Variants in SYT14 observed in about 807,000 individuals in gnomAD.
SYT14 encodes synaptotagmin 14, also known as synaptotagmin-14.
A neutral mutation model predicts 74.2 loss-of-function variants in SYT14; 32 were observed. The ratio of observed to expected loss-of-function variants is 0.43; its 90% CI spans 0.33 to 0.58. The LOEUF (loss-of-function observed/expected upper bound fraction) is 0.58. Among genes scored for constraint, SYT14 ranks in the 20% least tolerant of loss-of-function variants. SYT14 has a pLI of 0.05. For synonymous variants in SYT14, 298 were observed against 337.7 expected (o/e 0.88, Z 1.29); for missense variants, 791 against 981.8 (o/e 0.81, Z 2.60).
intron 5 of SYT14, among the ~76,000 whole-genome samples, chr1:210,078,200 C>T (rs1558173735): frequency 6.7e-6 from 1 of 149,110 alleles, no homozygotes. Flanking sequence ...GTCCCAGCTA[C>T]TCGGGAGGCT....
intron 7 of SYT14, among the ~76,000 whole-genome samples, chr1:210,153,660 A>G (rs1472366821): frequency 1.3e-5 from 2 of 152,188 alleles, no homozygotes; most frequent in Admixed American, 1.3e-4. Flanking sequence ...TCCTGTGTAC[A>G]TAATTATGTA....
At chr1:210,163,463 C>T (rs1253745244) in exon 10 of SYT14, 1 of 453,606 alleles carries the variant, frequency 2.2e-6, no homozygotes, top group Non-Finnish European at 4.4e-6. Flanking sequence ...TCTGTATACA[C>T]ACATGCACCA....
chr1:210,106,481 A>G (rs1449118093), intron 7 of SYT14, among the ~76,000 whole-genome samples: 1 of 152,198 alleles, frequency 6.6e-6, no homozygotes, highest in Non-Finnish European at 1.5e-5. Flanking sequence ...ATTGACTCAC[A>G]GTTCCACAGG....
chr1:210,000,613 C>CTTTTTTTTTTTTTTTTTT (rs71146203), intron 2 of SYT14, among the ~76,000 whole-genome samples: 13 of 105,424 alleles, frequency 1.2e-4, no homozygotes, highest in African/African-American at 4.5e-4. Flanking sequence ...TTTATGCCTT[C>CTTTTTTTTTTTTTTTTTT]TTTTTTTTTT....
chr1:209,946,423 G>C (rs1479892853), intron 1 of SYT14, among the ~76,000 whole-genome samples: 1 of 152,202 alleles, frequency 6.6e-6, no homozygotes, highest in Non-Finnish European at 1.5e-5. Flanking sequence ...TGACAGGAAG[G>C]CTTAACAGCC....
At chr1:210,043,016 T>C (rs1342954005) in intron 5 of SYT14, among the ~76,000 whole-genome samples, 3 of 152,214 alleles carry the variant, frequency 2.0e-5, no homozygotes, top group African/African-American at 7.2e-5. Context: ...GTTTGTGTCC[T>C]CTTTTATTTC....
chr1:210,125,259 C>T (rs1359651972), intron 7 of SYT14, among the ~76,000 whole-genome samples: 1 of 140,720 alleles, frequency 7.1e-6, no homozygotes, highest in African/African-American at 2.6e-5. Flanking sequence ...TTGTTTCCAT[C>T]TTTATGTGTA....
At chr1:210,023,889 A>G (rs890781377) in intron 5 of SYT14, among the ~76,000 whole-genome samples, 6 of 152,238 alleles carry the variant, frequency 3.9e-5, no homozygotes, top group African/African-American at 1.4e-4. Context: ...GTTTTTAAGC[A>G]GGAGAGTGTG....
chr1:210,017,100 G>A lies in SYT14; in HGVS notation c.1096+1G>A, dbSNP rs2080200646. On this transcript the variant is annotated splice_donor_variant, in intron 4 of 9. Transcript: ENST00000637265. LOFTEE classifies it high-confidence loss of function. Reference sequence around the variant, plus strand: ...TATTCTAAGATAATACCAGAAAAAGGTGAGGTCTCCTAATGTTGGTGTGAG... The same window carrying A: ...TATTCTAAGATAATACCAGAAAAAGATGAGGTCTCCTAATGTTGGTGTGAG... The A allele has an allele frequency of 1.6e-6, 2 of 1,231,060 alleles. No individual in the cohort carries two copies. The highest frequency in any genetic ancestry group is 1.6e-5 in the African/African-American group (1 of 64,392). 76.3% of individuals were successfully genotyped at this position (1,231,060 alleles called of 1,614,324 possible). A position where few individuals can be genotyped will look rare whatever the true frequency, so the allele number is the denominator to read the frequency against.
At chr1:209,972,004 C>T (rs2079264774) in intron 2 of SYT14, among the ~76,000 whole-genome samples, 2 of 152,064 alleles carry the variant, frequency 1.3e-5, no homozygotes, top group South Asian at 4.1e-4. Flanking sequence ...GGCTGTGAAT[C>T]CATCTGGTGC....
chr1:209,986,335 G>T (rs1323909161), intron 2 of SYT14, among the ~76,000 whole-genome samples: 2 of 152,158 alleles, frequency 1.3e-5, no homozygotes, highest in Non-Finnish European at 2.9e-5. Context: ...GCTGGGCGCG[G>T]TGGCTCATGC....
At chr1:209,977,274 G>A (rs1358339704) in intron 2 of SYT14, among the ~76,000 whole-genome samples, 3 of 152,132 alleles carry the variant, frequency 2.0e-5, no homozygotes, top group African/African-American at 4.8e-5. Context: ...TATTTTGCTC[G>A]TTAGTTGATG....
exon 4 of SYT14, chr1:210,016,144 A>C: frequency 8.1e-7 from 1 of 1,232,190 alleles, no homozygotes; most frequent in Non-Finnish European, 1.0e-6. Flanking sequence ...CTGAGCAGGT[A>C]ACAAGTATGA....
exon 7 of SYT14, chr1:210,100,364 A>C (rs2082041635): frequency 1.9e-6 from 3 of 1,613,970 alleles, no homozygotes; most frequent in Non-Finnish European, 2.5e-6. Context: ...ATGAAAAAAG[A>C]AAAGATTGTG....
At chr1:210,138,398 A>C (rs948663621) in intron 7 of SYT14, among the ~76,000 whole-genome samples, 3 of 152,170 alleles carry the variant, frequency 2.0e-5, no homozygotes, top group Admixed American at 2.0e-4. Context: ...GGATTATGGG[A>C]GCTACAGTTC....
chr1:210,050,132 T>C (rs928317670), intron 5 of SYT14, among the ~76,000 whole-genome samples: 1 of 152,208 alleles, frequency 6.6e-6, no homozygotes, highest in African/African-American at 2.4e-5. Flanking sequence ...CTGTTTCCCT[T>C]TTAAAACTGC....
At chr1:210,127,613 G>A (rs758519091) in intron 7 of SYT14, among the ~76,000 whole-genome samples, 61 of 152,202 alleles carry the variant, frequency 4.0e-4, no homozygotes, top group Non-Finnish European at 4.3e-4. Flanking sequence ...TTTTGGTAGC[G>A]GTCTTCAAAT....
chr1:209,944,717 T>C (rs1444761820), intron 1 of SYT14, among the ~76,000 whole-genome samples: 1 of 151,522 alleles, frequency 6.6e-6, no homozygotes, highest in Non-Finnish European at 1.5e-5. Context: ...GGAGGATAAC[T>C]CCCAGAGGGT....
In SYT14 at chr1:209,947,922, T is replaced by A. The variant is rs2078848019; in HGVS notation, c.-533-4787T>A. The stretch of plus-strand genomic sequence containing the variant: ...AATCATTAACATCAAGGCGAGACCC[T>A]TCGCCAGCAAAAAGATAGGACTTGC... On this transcript the variant is annotated intron_variant, in intron 1 of 9. Coordinates refer to ENST00000637265, the Ensembl canonical transcript of SYT14. Among the ~76,000 whole-genome samples, 5 of 152,314 alleles carry A rather than the reference T, an allele frequency of 3.3e-5. No individual in the cohort carries two copies. In the South Asian group the frequency reaches 8.3e-4, roughly 25 times the overall value.
Sources: allele counts gnomAD v4.1 joint callset (sites outside exome capture counted in the v4.1 genomes callset), GRCh38; gene constraint gnomAD v4.1.1; transcripts MANE v1.5; gene names NCBI Gene and HGNC (gene_info 2026-07-23, HGNC 2026-07-21).